The following KIF5C variants were observed in gnomAD, a reference collection of about 807,000 sequenced individuals.
KIF5C encodes the protein kinesin family member 5C.
A neutral mutation model predicts 125.2 loss-of-function variants in KIF5C; 18 were observed. The observed-to-expected ratio is 0.14, with a 90% CI of 0.10 to 0.21. KIF5C has a LOEUF of 0.21. Ranked by LOEUF, KIF5C falls within the 10% of genes least tolerant of loss-of-function variation. KIF5C has a pLI of 1.00. For synonymous variants in KIF5C, 405 were observed against 434.0 expected, an observed-to-expected ratio of 0.93 and a Z score of 0.83; for missense variants, 780 against 1,183.8, an observed-to-expected ratio of 0.66 and a Z score of 5.01.
Position 149,025,920 on chromosome 2 carries a change from T to C in KIF5C, c.*2850T>C, listed in dbSNP as rs182486753. On this transcript the variant is annotated 3_prime_UTR_variant, in exon 26 of 26. Coordinates refer to ENST00000435030, the MANE Select transcript of KIF5C (RefSeq NM_004522.3). ...CAATAACAGTTTCGCGTTAAGACTT[T>C]TAAAGGAAATAGAATCGTGATTAAG... 6.6e-6 allele frequency: 1 copy of C among 152,648 alleles called. No individual in the cohort carries two copies. Among genetic ancestry groups the C allele is most frequent in the Non-Finnish European group, 1.5e-5 (1 of 68,046 alleles). The allele number at this position is 152,648 out of a possible 1,614,324, so 9.5% of individuals were successfully genotyped here. A position where few individuals can be genotyped will look rare whatever the true frequency, so the allele number is the denominator to read the frequency against.
chr2:149,022,394 C>T (rs1242377051), intron 25 of KIF5C, among the ~76,000 whole-genome samples: 1 of 151,886 alleles, frequency 6.6e-6, no homozygotes, highest in Non-Finnish European at 1.5e-5. Flanking sequence ...CTTTTGAGCT[C>T]TCAAAATGTG....
intron 6 of KIF5C, 21 bp downstream of exon 6, chr2:148,942,011 G>A: frequency 6.2e-7 from 1 of 1,606,678 alleles, no homozygotes; most frequent in Non-Finnish European, 8.5e-7. Flanking sequence ...GATTTGATTG[G>A]TGATGCAATT....
chr2:148,892,605 C>A (rs1055932468), intron 1 of KIF5C, among the ~76,000 whole-genome samples: 1 of 152,192 alleles, frequency 6.6e-6, no homozygotes, highest in Non-Finnish European at 1.5e-5. Context: ...CTGTTTAGGA[C>A]CTTCCATAGA....
At chr2:148,898,652 C>T (rs866703069) in intron 1 of KIF5C, among the ~76,000 whole-genome samples, 77 of 152,194 alleles carry the variant, frequency 5.1e-4, no homozygotes, top group African/African-American at 1.7e-3. Context: ...TACAGGCGGC[C>T]GCTAGAAGCT....
intron 11 of KIF5C, among the ~76,000 whole-genome samples, chr2:148,966,014 G>C (rs1272467473): frequency 1.3e-5 from 2 of 152,282 alleles, no homozygotes; most frequent in African/African-American, 4.8e-5. Context: ...GTGTGTAAAC[G>C]TGAGAGCTGG....
At chr2:148,903,727 G>A (rs1392660732) in intron 1 of KIF5C, among the ~76,000 whole-genome samples, 4 of 152,182 alleles carry the variant, frequency 2.6e-5, no homozygotes, top group Non-Finnish European at 5.9e-5. Context: ...AGAGAGCTGC[G>A]ATAACTTGCC....
chr2:148,945,089 G>A (rs1682491903), intron 7 of KIF5C, among the ~76,000 whole-genome samples: 1 of 151,962 alleles, frequency 6.6e-6, no homozygotes, highest in Non-Finnish European at 1.5e-5. Context: ...CTATTCCATG[G>A]ATTGCTTTTT....
At chr2:148,912,177 A>G (rs1355741689) in intron 1 of KIF5C, among the ~76,000 whole-genome samples, 1 of 152,204 alleles carries the variant, frequency 6.6e-6, no homozygotes, top group African/African-American at 2.4e-5. Flanking sequence ...AAATGGTGGA[A>G]CTTCAAGTCA....
chr2:148,955,120 GA>G (rs1233505512), intron 10 of KIF5C, among the ~76,000 whole-genome samples: 1 of 152,046 alleles, frequency 6.6e-6, no homozygotes, highest in Non-Finnish European at 1.5e-5. Context: ...CACAAGCAGG[GA>G]AATGGCCTCA....
intron 1 of KIF5C, among the ~76,000 whole-genome samples, chr2:148,918,330 T>G (rs564401715): frequency 6.6e-6 from 1 of 152,342 alleles, no homozygotes; most frequent in Non-Finnish European, 1.5e-5. Context: ...TTGAAACAGG[T>G]TTGCCTACAT....
chr2:149,009,830 C>T (rs943153369), intron 23 of KIF5C, among the ~76,000 whole-genome samples: 2 of 152,200 alleles, frequency 1.3e-5, no homozygotes, highest in Non-Finnish European at 2.9e-5. Flanking sequence ...CACAATCCCC[C>T]TTTCCTCTAC....
At chr2:148,899,702 CAAAAAAAAAAA>C (rs771196518) in intron 1 of KIF5C, among the ~76,000 whole-genome samples, 2 of 46,072 alleles carry the variant, frequency 4.3e-5, no homozygotes, top group East Asian at 6.2e-4. Context: ...AACTCCATCT[CAAAAAAAAAAA>C]AAAAAAAAAA....
intron 1 of KIF5C, among the ~76,000 whole-genome samples, chr2:148,899,270 G>C (rs1348557789): frequency 6.6e-6 from 1 of 152,038 alleles, no homozygotes; most frequent in Non-Finnish European, 1.5e-5. Flanking sequence ...AAGACTACTT[G>C]CTGCTTTATT....
rs546435752 is a variant in KIF5C, at chr2:148,950,395, G to A, written c.901G>A (p.Val301Ile). The A allele has an allele frequency of 2.1e-5, 34 of 1,613,970 alleles. No individual in the cohort carries two copies. In the South Asian group the frequency reaches 2.7e-4, roughly 13 times the overall value. The change falls in exon 10 of 26, where the codon GTC becomes ATC. Residue 301 changes from valine to isoleucine, a missense_variant. Coordinates refer to ENST00000435030, the MANE Select transcript of KIF5C (RefSeq NM_004522.3). The stretch of plus-strand genomic sequence containing the variant: ...GGGTGGGAACTGCAGAACCACCATC[G>A]TCATTTGCTGTTCTCCTTCTGTCTT... ...SLGGNCRTTIVICCSPSVFNE... is the reference protein window; with the variant it reads ...SLGGNCRTTIIICCSPSVFNE...
At chr2:148,920,907 C>T (rs1681757912) in intron 1 of KIF5C, among the ~76,000 whole-genome samples, 1 of 152,194 alleles carries the variant, frequency 6.6e-6, no homozygotes, top group Non-Finnish European at 1.5e-5. Flanking sequence ...TGGCTCTGCT[C>T]TCTCCTCCCT....
At chr2:148,961,496 T>G (rs73965225) in intron 10 of KIF5C, among the ~76,000 whole-genome samples, 21,334 of 152,076 alleles carry the variant, frequency 0.14, 2,303 homozygotes, top group African/African-American at 0.3. Context: ...GAAACTGCAG[T>G]CTCCAAGAGG....
chr2:148,877,725 C>T (rs545846897), intron 1 of KIF5C: 1 of 152,152 alleles, frequency 6.6e-6, no homozygotes, highest in South Asian at 2.1e-4. Flanking sequence ...TTCTTCTCCC[C>T]TCCTCCCTCC....
intron 2 of KIF5C, among the ~76,000 whole-genome samples, chr2:148,925,928 G>A (rs1002495563): frequency 1.3e-5 from 2 of 152,152 alleles, no homozygotes; most frequent in African/African-American, 2.4e-5. Flanking sequence ...GCCGGCATGC[G>A]GGCTGGCCTC....
intron 24 of KIF5C, among the ~76,000 whole-genome samples, chr2:149,010,677 G>T (rs1418502151): frequency 6.6e-6 from 1 of 152,234 alleles, no homozygotes; most frequent in African/African-American, 2.4e-5. Flanking sequence ...GGAATAGGAG[G>T]ATATTTCTCT....
Sources: gnomAD v4.1 joint callset for allele counts (sites outside exome capture counted in the v4.1 genomes callset) on GRCh38, gnomAD v4.1.1 for gene constraint, MANE v1.5 for transcripts, NCBI Gene and HGNC (gene_info 2026-07-23, HGNC 2026-07-21) for gene names.